Variants in CDH18 observed in about 807,000 individuals in gnomAD.
CDH18 encodes cadherin 18.
Under a neutral mutation model 67.9 loss-of-function variants are expected in CDH18, and 31 were observed. The ratio of observed to expected loss-of-function variants is 0.46; its 90% CI spans 0.34 to 0.62. The LOEUF is 0.62. Ranked by LOEUF, CDH18 falls within the 20% of genes least tolerant of loss-of-function variation. The pLI, the probability that CDH18 is intolerant of heterozygous loss-of-function variation, is 0.01. For missense variants in CDH18, 890 were observed against 975.5 expected, an observed-to-expected ratio of 0.91 and a Z score of 1.17; for synonymous variants, 362 against 347.2, an observed-to-expected ratio of 1.04 and a Z score of -0.48.
intron 2 of CDH18, among the ~76,000 whole-genome samples, chr5:20,184,496 C>G (rs1022403063): frequency 6.6e-6 from 1 of 152,082 alleles, no homozygotes; most frequent in Non-Finnish European, 1.5e-5. Flanking sequence ...CTAAAACTGT[C>G]ATTCTGCCTC....
At chr5:19,813,113 G>A (rs910557131) in intron 3 of CDH18, among the ~76,000 whole-genome samples, 8 of 152,054 alleles carry the variant, frequency 5.3e-5, no homozygotes, top group South Asian at 4.1e-4. Context: ...ACACAAGGAC[G>A]GGAACATCAC....
At chr5:20,430,841 A>G (rs986352334) in intron 1 of CDH18, among the ~76,000 whole-genome samples, 3 of 152,196 alleles carry the variant, frequency 2.0e-5, no homozygotes, top group African/African-American at 4.8e-5. Context: ...CAGATTTTCT[A>G]TTTCATAATA....
chr5:20,271,924 C>CAGAGAGAGAGAG (rs201955881), intron 1 of CDH18, among the ~76,000 whole-genome samples: 33,549 of 146,306 alleles, frequency 0.23, 4,358 homozygotes, highest in Non-Finnish European at 0.3. Flanking sequence ...TGTAGAGAGG[C>CAGAGAGAGAGAG]AGAGAGAGAG....
chr5:19,805,988 C>T (rs995634867), intron 3 of CDH18, among the ~76,000 whole-genome samples: 3 of 152,096 alleles, frequency 2.0e-5, no homozygotes, highest in African/African-American at 7.2e-5. Context: ...ACTCAGTCAC[C>T]CATCCACGTT....
At chr5:20,031,267 C>G (rs1739370526) in intron 2 of CDH18, among the ~76,000 whole-genome samples, 1 of 151,940 alleles carries the variant, frequency 6.6e-6, no homozygotes, top group Non-Finnish European at 1.5e-5. Context: ...CATAAAAACC[C>G]AGGATTCTTT....
At chr5:20,025,181 T>C (rs1738785212) in intron 2 of CDH18, among the ~76,000 whole-genome samples, 1 of 152,196 alleles carries the variant, frequency 6.6e-6, no homozygotes, top group African/African-American at 2.4e-5. Context: ...TAGCAGACAC[T>C]CCCTCTTTAC....
At chr5:20,407,590 G>T (rs183784498) in intron 1 of CDH18, among the ~76,000 whole-genome samples, 41 of 151,066 alleles carry the variant, frequency 2.7e-4, no homozygotes, top group Admixed American at 2.6e-3. Context: ...AAATTTTAGT[G>T]AAAGAAGAAA....
intron 1 of CDH18, among the ~76,000 whole-genome samples, chr5:20,543,466 C>T (rs1561113804): frequency 2.0e-5 from 3 of 151,790 alleles, no homozygotes. Flanking sequence ...TTTATTTTGC[C>T]ACTCCTTCTC....
chr5:20,149,815 CTTTATT>C (rs1750958219), intron 2 of CDH18, among the ~76,000 whole-genome samples: 1 of 151,970 alleles, frequency 6.6e-6, no homozygotes, highest in South Asian at 2.1e-4. Flanking sequence ...ATCTAGAAAG[CTTTATT>C]TTTAACTATT....
At chr5:20,260,687 G>C (rs896158544) in intron 1 of CDH18, among the ~76,000 whole-genome samples, 7 of 152,162 alleles carry the variant, frequency 4.6e-5, no homozygotes, top group African/African-American at 1.7e-4. Flanking sequence ...CAGCCTGTTA[G>C]TATGATGGTA....
At chr5:19,623,657 G>A (rs895645389) in intron 5 of CDH18, among the ~76,000 whole-genome samples, 1 of 151,700 alleles carries the variant, frequency 6.6e-6, no homozygotes, top group Non-Finnish European at 1.5e-5. Context: ...GATTTTTTTA[G>A]TCACAGTTAC....
At chr5:19,759,982 T>C (rs890530641) in intron 3 of CDH18, among the ~76,000 whole-genome samples, 18 of 152,082 alleles carry the variant, frequency 1.2e-4, no homozygotes, top group Non-Finnish European at 2.2e-4. Flanking sequence ...ATAAATTAAA[T>C]AGGAATGCAG....
At chr5:20,544,110 T>G (rs532730829) in intron 1 of CDH18, among the ~76,000 whole-genome samples, 197 of 152,304 alleles carry the variant, frequency 1.3e-3, no homozygotes, top group Admixed American at 2.1e-3. Context: ...TGATTAGGTT[T>G]ATTGCTGAAT....
At chr5:19,525,113 C>T (rs904199747) in intron 9 of CDH18, among the ~76,000 whole-genome samples, 2 of 152,068 alleles carry the variant, frequency 1.3e-5, no homozygotes, top group Admixed American at 1.3e-4. Flanking sequence ...ACTGTGTTTT[C>T]TATGAAAGGA....
chr5:19,794,440 T>C (rs1776654118), intron 3 of CDH18, among the ~76,000 whole-genome samples: 1 of 152,088 alleles, frequency 6.6e-6, no homozygotes, highest in African/African-American at 2.4e-5. Flanking sequence ...CTCAGTTCTT[T>C]TTACTTGTAT....
In CDH18 at chr5:20,485,134, C is replaced by T. The variant is rs1482639655; in HGVS notation, c.-580+90328G>A. The stretch of plus-strand genomic sequence containing the variant: ...TTAGAAGAAAACTAGTGCTTTCACC[C>T]CTGTGTTAGCAGTATCTGGCTTGTC... On this transcript the variant is annotated intron_variant, in intron 1 of 14. Coordinates refer to the CDH18 transcript ENST00000507958. Among the ~76,000 whole-genome samples the T allele has an allele frequency of 2.6e-5, 4 of 152,224 alleles. No homozygotes were observed. In the East Asian group the frequency reaches 7.7e-4, roughly 29 times the overall value.
At chr5:20,523,580 A>G (rs965874759) in intron 1 of CDH18, among the ~76,000 whole-genome samples, 1 of 152,104 alleles carries the variant, frequency 6.6e-6, no homozygotes, top group Non-Finnish European at 1.5e-5. Flanking sequence ...TCGCTTCTTC[A>G]CCCAGGCTGG....
intron 2 of CDH18, among the ~76,000 whole-genome samples, chr5:20,201,332 A>G (rs2126755445): frequency 6.6e-6 from 1 of 152,284 alleles, no homozygotes; most frequent in Non-Finnish European, 1.5e-5. Flanking sequence ...AATTGATTAC[A>G]TCTGCAAAGA....
At chr5:20,308,426 C>T (rs1042348448) in intron 1 of CDH18, among the ~76,000 whole-genome samples, 4 of 151,636 alleles carry the variant, frequency 2.6e-5, no homozygotes, top group African/African-American at 9.7e-5. Context: ...GCCTGTACTC[C>T]CAGCTACTTG....
Sources: gnomAD v4.1 joint callset for allele counts (sites outside exome capture counted in the v4.1 genomes callset) on GRCh38, gnomAD v4.1.1 for gene constraint, MANE v1.5 for transcripts, NCBI Gene and HGNC (gene_info 2026-07-23, HGNC 2026-07-21) for gene names.